Variants in MALRD1 observed in about 807,000 individuals in gnomAD.
The protein encoded by MALRD1 is MAM and LDL-receptor class A domain-containing protein 1.
In MALRD1, 247 loss-of-function variants were observed where a neutral mutation model predicts 242.1. The observed-to-expected ratio is 1.02, with a 90% CI of 0.92 to 1.13. MALRD1 has a LOEUF of 1.13. Ranked by LOEUF, MALRD1 falls within the 50% of genes most tolerant of loss-of-function variation. The pLI is 0.00. For synonymous variants in MALRD1, 995 were observed against 866.6 expected, an observed-to-expected ratio of 1.15 and a Z score of -2.60; for missense variants, 2,989 against 2,533.1, an observed-to-expected ratio of 1.18 and a Z score of -3.86.
chr10:19,650,513 T>G (rs1205955639), intron 36 of MALRD1, among the ~76,000 whole-genome samples: 1 of 152,164 alleles, frequency 6.6e-6, no homozygotes. Context: ...AACTAACACC[T>G]TATAGAAAAT....
At chr10:19,328,267 A>G (rs920920841) in intron 23 of MALRD1, among the ~76,000 whole-genome samples, 1 of 152,142 alleles carries the variant, frequency 6.6e-6, no homozygotes, top group Non-Finnish European at 1.5e-5. Flanking sequence ...GGCACAAAGC[A>G]TATTTCTTAT....
intron 28 of MALRD1, among the ~76,000 whole-genome samples, chr10:19,409,114 T>C (rs1833162649): frequency 6.6e-6 from 1 of 152,176 alleles, no homozygotes. Context: ...GTTAAATAAA[T>C]TGTGGTACAT....
At chr10:19,606,919 C>G (rs1435717593) in intron 34 of MALRD1, among the ~76,000 whole-genome samples, 1 of 152,066 alleles carries the variant, frequency 6.6e-6, no homozygotes, top group Non-Finnish European at 1.5e-5. Flanking sequence ...GAACATAATA[C>G]AATTTTAGGA....
intron 27 of MALRD1, chr10:19,389,155 T>G: frequency 2.2e-6 from 1 of 457,990 alleles, no homozygotes; most frequent in South Asian, 1.7e-5. Flanking sequence ...CTTGGTAGTT[T>G]GGGAAATCTA....
At chr10:19,282,604 G>A (rs1840871689) in intron 20 of MALRD1, among the ~76,000 whole-genome samples, 1 of 152,202 alleles carries the variant, frequency 6.6e-6, no homozygotes, top group Non-Finnish European at 1.5e-5. Flanking sequence ...CAATATAAAA[G>A]TTATTGGAAA....
intron 1 of MALRD1, among the ~76,000 whole-genome samples, chr10:19,051,273 G>T (rs2789318): frequency 0.016 from 2,327 of 148,856 alleles, 25 homozygotes; most frequent in Non-Finnish European, 0.021. Context: ...GCTTTATAAG[G>T]ATTTACAGTA....
rs910607243 is a variant in MALRD1 at position 19,453,793 on chromosome 10, C to T, written c.5029+3303C>T. 4.6e-5 allele frequency among the ~76,000 whole-genome samples: 7 copies of T among 151,872 alleles called. No individual in the cohort carries two copies. The East Asian group carries it at 1.2e-3, about 25-fold the overall frequency. On this transcript the variant is annotated intron_variant, in intron 29 of 39. Coordinates refer to ENST00000454679, the MANE Select transcript of MALRD1 (RefSeq NM_001142308.3). ...CAGCAGGCTGAGGCATGAGAATTGC[C>T]TGAACCAGGGAGGCAGAGGTTTGCA...
chr10:19,528,288 T>G (rs1001895691), intron 31 of MALRD1, among the ~76,000 whole-genome samples: 2 of 152,204 alleles, frequency 1.3e-5, no homozygotes, highest in African/African-American at 4.8e-5. Context: ...CAAAGTTCCC[T>G]GCTTATCTTA....
In MALRD1 at chr10:19,284,247, A is replaced by G. The variant is rs540470109; in HGVS notation, c.3419+1066A>G. Among the ~76,000 whole-genome samples the G allele has an allele frequency of 3.0e-4, 38 of 128,298 alleles. No individual in the cohort carries two copies. The East Asian group carries it at 8.3e-3, about 28-fold the overall frequency. The allele number at this position is 128,298 out of a possible 152,430, so 84.2% of individuals were successfully genotyped here. ...TAAGCATGTTTGTATTTTACATACC[A>G]ACTTTTTTTTTTTTTCATTATACTT... On this transcript the variant is annotated intron_variant, in intron 21 of 39. Transcript: ENST00000454679.
At chr10:19,112,039 A>T (rs974100356) in intron 5 of MALRD1, among the ~76,000 whole-genome samples, 4 of 152,104 alleles carry the variant, frequency 2.6e-5, no homozygotes, top group African/African-American at 9.7e-5. Context: ...AACAGACTAA[A>T]CCTAGTTAAT....
chr10:19,086,447 C>A (rs1376449905), intron 2 of MALRD1, among the ~76,000 whole-genome samples: 1 of 151,976 alleles, frequency 6.6e-6, no homozygotes, highest in Non-Finnish European at 1.5e-5. Context: ...CTAGAACTCA[C>A]AATAAAGCAT....
chr10:19,559,246 A>G (rs1368349193), intron 32 of MALRD1, among the ~76,000 whole-genome samples: 1 of 151,918 alleles, frequency 6.6e-6, no homozygotes, highest in East Asian at 1.9e-4. Context: ...TCATGGGATC[A>G]GTAGTGATGG....
At chr10:19,356,761 T>C (rs1267365133) in intron 26 of MALRD1, among the ~76,000 whole-genome samples, 1 of 152,098 alleles carries the variant, frequency 6.6e-6, no homozygotes, top group Non-Finnish European at 1.5e-5. Flanking sequence ...TTAGTTGATG[T>C]GATATTTGTA....
chr10:19,146,173 C>T, intron 10 of MALRD1, 25 bp from the exon 11 acceptor site: 1 of 1,231,490 alleles, frequency 8.1e-7, no homozygotes, highest in Non-Finnish European at 1.0e-6. Flanking sequence ...TTCTCCTCAC[C>T]TGTTTTCTCT....
At chr10:19,219,702 G>A (rs937371768) in intron 18 of MALRD1, among the ~76,000 whole-genome samples, 2 of 152,146 alleles carry the variant, frequency 1.3e-5, no homozygotes, top group African/African-American at 2.4e-5. Flanking sequence ...GGGATTACAG[G>A]CATGAGCCAC....
chr10:19,171,892 GA>G (rs1182868203), intron 13 of MALRD1, among the ~76,000 whole-genome samples: 4 of 128,170 alleles, frequency 3.1e-5, no homozygotes, highest in Admixed American at 8.0e-5. Flanking sequence ...GTATATATAT[GA>G]TATATATCAC....
At chr10:19,165,568 A>C in intron 12 of MALRD1, 69 bp from the exon 13 acceptor site, 1 of 1,168,378 alleles carries the variant, frequency 8.6e-7, no homozygotes, top group Non-Finnish European at 1.1e-6. Flanking sequence ...GAATATTTCA[A>C]ATTATAGGAA....
chr10:19,243,426 T>G (rs11009093), intron 18 of MALRD1, among the ~76,000 whole-genome samples: 10,848 of 152,200 alleles, frequency 0.071, 445 homozygotes, highest in East Asian at 0.17. Context: ...AGTTTGCTAA[T>G]GCCTAATTTT....
intron 28 of MALRD1, among the ~76,000 whole-genome samples, chr10:19,432,839 C>T (rs1834195236): frequency 1.3e-5 from 2 of 152,158 alleles, no homozygotes; most frequent in African/African-American, 2.4e-5. Context: ...CTCTTTCTCC[C>T]CCAAACTTGC....
Sources: allele counts gnomAD v4.1 joint callset (sites outside exome capture counted in the v4.1 genomes callset), GRCh38; gene constraint gnomAD v4.1.1; transcripts MANE v1.5; gene names NCBI Gene and HGNC (gene_info 2026-07-23, HGNC 2026-07-21).